TEX15: variants seen among roughly 807,000 people sequenced by gnomAD.
TEX15 encodes testis-expressed protein 15.
A neutral mutation model predicts 237.3 loss-of-function variants in TEX15; 171 were observed. The observed-to-expected ratio is 0.72, with a 90% CI of 0.64 to 0.82. The LOEUF (loss-of-function observed/expected upper bound fraction) is 0.82, where lower values mean the gene tolerates loss of function less well. TEX15 is among the 40% of genes least tolerant of loss of function. The probability of loss-of-function intolerance (pLI) is 0.00; values close to 1 mark genes in which losing one functional copy is unlikely to be tolerated. For synonymous variants in TEX15, 1,338 were observed against 1,269.8 expected, an observed-to-expected ratio of 1.05 and a Z score of -1.14; for missense variants, 3,750 against 3,646.5, an observed-to-expected ratio of 1.03 and a Z score of -0.73.
At chr8:30,856,513 A>ACAGCATTC (rs574937053) in intron 7 of TEX15, among the ~76,000 whole-genome samples, 169 of 152,182 alleles carry the variant, frequency 1.1e-3, no homozygotes, top group African/African-American at 3.9e-3. Flanking sequence ...AAGTTGTGCC[A>ACAGCATTC]CAGCATTCCA....
intron 5 of TEX15, among the ~76,000 whole-genome samples, chr8:30,862,593 A>G (rs1213976114): frequency 6.6e-6 from 1 of 152,132 alleles, no homozygotes; most frequent in African/African-American, 2.4e-5. Flanking sequence ...ATAAAAGTAA[A>G]TTATGCTTAA....
chr8:30,833,215 TAA>T lies in TEX15; in HGVS notation c.*69_*70del. On this transcript the variant is annotated 3_prime_UTR_variant, in exon 11 of 11. Transcript: ENST00000643185. Reference sequence around the variant, plus strand: ...ACAAACATTAAAAATCGCTAAATGTTAAAAAATATATAAGTAAAAAATATTTG... The same window carrying T: ...ACAAACATTAAAAATCGCTAAATGTTAAAATATATAAGTAAAAAATATTTG... The T allele has an allele frequency of 9.4e-7, 1 of 1,067,410 alleles. No homozygotes were observed. Among genetic ancestry groups the T allele is most frequent in the Non-Finnish European group, 1.4e-6 (1 of 738,964 alleles). The allele number at this position is 1,067,410 out of a possible 1,614,324, so 66.1% of individuals were successfully genotyped here.
In TEX15 at chr8:30,836,928, T is replaced by A. The variant is rs768327451; in HGVS notation, c.9356A>T (p.Gln3119Leu). 22 of 1,614,054 alleles carry A rather than the reference T, an allele frequency of 1.4e-5. No individual in the cohort carries two copies. In the South Asian group the frequency reaches 2.2e-4, roughly 16 times the overall value. Reference protein sequence around the residue: ...FVPVNGYFQSQIPASNFRQPI... With the variant: ...FVPVNGYFQSLIPASNFRQPI... ...CTGCCGAAAATTAGAAGCAGGTATTTGAGATTGAAAATACCCATTCACTGG... is the reference window on the plus strand; with the variant it reads ...CTGCCGAAAATTAGAAGCAGGTATTAGAGATTGAAAATACCCATTCACTGG... Residue 3119 changes from glutamine to leucine, a missense_variant, in exon 10 of 11, where the codon CAA becomes CTA. Physicochemically the swap from Gln to Leu is moderately radical, Grantham distance 113. Transcript: ENST00000643185.
intron 1 of TEX15, among the ~76,000 whole-genome samples, chr8:30,907,478 T>C (rs1036028059): frequency 1.4e-5 from 2 of 147,404 alleles, no homozygotes; most frequent in Non-Finnish European, 3.0e-5. Context: ...AATGTATATA[T>C]AAATTATATA....
rs1418213970 is a variant in TEX15, at chr8:30,858,751, A to C, written c.767T>G (p.Val256Gly). The C allele has an allele frequency of 6.5e-7, 1 of 1,535,558 alleles. No homozygotes were observed. The change falls in exon 7 of 11, where the codon GTA becomes GGA. Residue 256 changes from valine to glycine, a missense_variant. Coordinates refer to ENST00000643185, the MANE Select transcript of TEX15 (RefSeq NM_001350162.2). ...ATCTACTTTTGAACCAAGAAATTTT[A>C]CTGTTACTACAGCATATGGAAGACA... The part of the protein sequence containing the change: ...RQCLPYAVVT[V>G]KFLGSKVDNG...
At position 30,847,862 on chromosome 8, in the gene TEX15, T is replaced by C. The variant is rs972325447; in HGVS notation, c.2305A>G (p.Lys769Glu). Residue 769 changes from lysine (K) to glutamate (E), a missense_variant, in exon 8 of 11, where the codon AAA becomes GAA. Lys to Glu is a moderately conservative substitution (Grantham distance 56). Transcript: ENST00000643185. ...SIITEAFPKP[K>E]DIPQAKEMFI... is the part of the protein sequence containing the mutation. ...ATTTCTTTGGCCTGGGGTATGTCTT[T>C]TGGTTTCGGGAAAGCTTCAGTTATA... The C allele has an allele frequency of 6.2e-7, 1 of 1,613,956 alleles. No homozygotes were observed. Among genetic ancestry groups the C allele is most frequent in the Non-Finnish European group, 8.5e-7 (1 of 1,179,960 alleles).
In TEX15 at chr8:30,843,227, T is replaced by C; in HGVS notation, c.6940A>G (p.Ile2314Val). The C allele has an allele frequency of 6.2e-7, 1 of 1,613,472 alleles. No individual in the cohort carries two copies. ...AAATCTTTAGACAAAGTATCATATA[T>C]CTTCTGCAACTTAGAAAAGGCACAT... ...NKCAFSKLQK[I>V]YDTLSKDLNN... Residue 2314 changes from isoleucine (I) to valine (V), a missense_variant, in exon 8 of 11, where the codon ATA (isoleucine) becomes GTA (valine). By Grantham distance (29) the Ile-to-Val change is conservative. Coordinates refer to ENST00000643185, the MANE Select transcript of TEX15 (RefSeq NM_001350162.2).
intron 7 of TEX15, among the ~76,000 whole-genome samples, chr8:30,851,214 T>A (rs1807776778): frequency 6.6e-6 from 1 of 152,186 alleles, no homozygotes; most frequent in Admixed American, 6.5e-5. Context: ...GAAACCTAAC[T>A]ATACATCAAT....
chr8:30,843,634 G>A lies in TEX15; in HGVS notation c.6533C>T (p.Ala2178Val). The change falls in exon 8 of 11, where the codon GCC (alanine) becomes GTC (valine). Residue 2178 changes from alanine to valine, a missense_variant. Transcript: ENST00000643185. ...GCAATCGGAACAATGCTCCATTATG[G>A]CTTCACATTCATTAACCTGTCGTTT... ...KYKRQVNECE[A>V]IMEHCSDCFD... 1 of 1,612,688 alleles carries A rather than the reference G, an allele frequency of 6.2e-7. No individual in the cohort carries two copies. The highest frequency in any genetic ancestry group is 8.5e-7 in the Non-Finnish European group (1 of 1,179,654).
intron 5 of TEX15, among the ~76,000 whole-genome samples, chr8:30,866,929 TA>T (rs1808182290): frequency 6.6e-6 from 1 of 151,994 alleles, no homozygotes; most frequent in African/African-American, 2.4e-5. Context: ...TATAATGCTT[TA>T]GGGGAGGGTA....
intron 2 of TEX15, chr8:30,888,495 T>C (rs971902042): frequency 2.0e-6 from 1 of 507,078 alleles, no homozygotes; most frequent in Non-Finnish European, 3.3e-6. Flanking sequence ...CCTTTCTCTC[T>C]CTCCCCAAAC....
At chr8:30,879,617 A>G (rs921067258) in intron 3 of TEX15, among the ~76,000 whole-genome samples, 3 of 152,206 alleles carry the variant, frequency 2.0e-5, no homozygotes, top group African/African-American at 7.2e-5. Context: ...CGGAATCTTT[A>G]TTCTGTTCCA....
chr8:30,848,079 A>G lies in TEX15; in HGVS notation c.2088T>C (p.Ser696=). 6.2e-7 allele frequency: 1 copy of G among 1,610,902 alleles called. No individual in the cohort carries two copies. The change falls in exon 8 of 11, where the codon TCT becomes TCC. Residue 696 remains serine (S), a synonymous_variant. Transcript: ENST00000643185. ...CTAGTTCATCCTTATCCTTTATGGT[A>G]GATGTAGAAGATTTTGTTATTTCTA... The part of the protein sequence containing the change: ...QELEITKSST[S]TIKDKDELDH...
At chr8:30,836,204 C>G (rs1465345096) in intron 10 of TEX15, among the ~76,000 whole-genome samples, 1 of 18,846 alleles carries the variant, frequency 5.3e-5, no homozygotes, top group African/African-American at 1.4e-4. Context: ...TTCACTGTAT[C>G]GTTTTTTTTT....
chr8:30,905,337 G>T (rs1008912945), intron 1 of TEX15, among the ~76,000 whole-genome samples: 1 of 151,704 alleles, frequency 6.6e-6, no homozygotes, highest in African/African-American at 2.4e-5. Context: ...TGGAGTACTG[G>T]TCATAGCATT....
At position 30,847,891 on chromosome 8, in the gene TEX15, C is replaced by A. The variant is rs930718087; in HGVS notation, c.2276G>T (p.Ser759Ile). 3 of 1,613,854 alleles carry A rather than the reference C, an allele frequency of 1.9e-6. No individual in the cohort carries two copies. In the East Asian group the frequency reaches 6.7e-5, roughly 36 times the overall value. Reference sequence around the variant, plus strand: ...TTTCGGGAAAGCTTCAGTTATAATGCTAGCATAATTTTGATTTATTTTCCC... The same window carrying A: ...TTTCGGGAAAGCTTCAGTTATAATGATAGCATAATTTTGATTTATTTTCCC... The part of the protein sequence containing the change: ...KLGKINQNYA[S>I]IITEAFPKPK... The change falls in exon 8 of 11, where the codon AGC (serine) becomes ATC (isoleucine). Residue 759 changes from serine (S) to isoleucine (I), a missense_variant. Transcript: ENST00000643185.
chr8:30,847,435 T>C lies in TEX15; in HGVS notation c.2732A>G (p.Glu911Gly), dbSNP rs751520443. The change falls in exon 8 of 11, where the codon GAA becomes GGA. Residue 911 changes from glutamate (E) to glycine (G), a missense_variant. Glu to Gly is a moderately conservative substitution (Grantham distance 98, BLOSUM62 -2). Transcript: ENST00000643185. ...AGAAAATTCTTCAGAACTCAAAATT[T>C]CTATATTGTGGTAATTTTTGTCCTC... ...EKEDKNYHNIEILSSEEFSTK... is the reference protein window; with the variant it reads ...EKEDKNYHNIGILSSEEFSTK... 6.2e-7 allele frequency: 1 copy of C among 1,611,554 alleles called. No homozygotes were observed. The highest frequency in any genetic ancestry group is 2.2e-5 in the East Asian group (1 of 44,860).
intron 2 of TEX15, among the ~76,000 whole-genome samples, chr8:30,893,981 A>C (rs1396452637): frequency 6.6e-6 from 1 of 152,138 alleles, no homozygotes; most frequent in Non-Finnish European, 1.5e-5. Context: ...ATATCTAAAA[A>C]TCATATCATG....
chr8:30,856,763 T>C (rs1807921687), intron 7 of TEX15, among the ~76,000 whole-genome samples: 1 of 151,822 alleles, frequency 6.6e-6, no homozygotes, highest in South Asian at 2.1e-4. Flanking sequence ...ATAGAGAAAA[T>C]TATAAAATTG....
Sources: gnomAD v4.1 joint callset for allele counts (sites outside exome capture counted in the v4.1 genomes callset) on GRCh38, gnomAD v4.1.1 for gene constraint, MANE v1.5 for transcripts, NCBI Gene and HGNC (gene_info 2026-07-23, HGNC 2026-07-21) for gene names.